Variants in ADCY10 observed in about 807,000 individuals in gnomAD.
ADCY10 encodes the protein adenylate cyclase type 10.
ADCY10 carries 156 observed loss-of-function variants against 183.3 expected under a neutral mutation model. That is an observed-to-expected ratio of 0.85 (90% CI 0.75 to 0.97). The LOEUF (loss-of-function observed/expected upper bound fraction) is 0.97, where lower values mean the gene tolerates loss of function less well. ADCY10 is among the 50% of genes least tolerant of loss of function. ADCY10 has a pLI of 0.00. For missense variants in ADCY10, 1,745 were observed against 1,934.3 expected (o/e 0.90, Z 1.84); for synonymous variants, 645 against 670.0 (o/e 0.96, Z 0.58).
rs931515722 is a variant in ADCY10 at position 167,875,241 on chromosome 1, A to G, written c.1407-55T>C. The G allele has an allele frequency of 7.8e-6, 12 of 1,544,702 alleles. No individual in the cohort carries two copies. In the African/African-American group the frequency reaches 1.5e-4, roughly 19 times the overall value. Reference sequence around the variant, plus strand: ...AGATTCAAAACAGGGACATATTGAGAGCAAGAGTGATTAGTTCTTAGTTCC... The same window carrying G: ...AGATTCAAAACAGGGACATATTGAGGGCAAGAGTGATTAGTTCTTAGTTCC... On this transcript the variant is annotated intron_variant, in intron 12 of 32. Coordinates refer to ENST00000367851, the MANE Select transcript of ADCY10 (RefSeq NM_018417.6).
At chr1:167,817,608 T>G (rs944828533) in intron 31 of ADCY10, among the ~76,000 whole-genome samples, 1 of 152,226 alleles carries the variant, frequency 6.6e-6, no homozygotes, top group Non-Finnish European at 1.5e-5. Flanking sequence ...ATATTTGAAT[T>G]TTTTAAATTG....
Position 167,861,053 on chromosome 1 carries a change from T to C in ADCY10, c.1627A>G (p.Ile543Val), listed in dbSNP as rs1285189585. Residue 543 changes from isoleucine to valine, a missense_variant, in exon 15 of 33, where the codon ATT becomes GTT. Transcript: ENST00000367851. ...AQGKNHRIIA[I>V]SLNKISFHQT... ...TGGAAGCTGATCTTATTCAATGAAA[T>C]GGCAATAATCCTGTTTGTGAGAAAA... 3 of 1,613,872 alleles carry C rather than the reference T, an allele frequency of 1.9e-6. No homozygotes were observed. Among genetic ancestry groups the C allele is most frequent in the Non-Finnish European group, 2.5e-6 (3 of 1,179,874 alleles).
chr1:167,810,132 C>T (rs796163000), intron 32 of ADCY10, among the ~76,000 whole-genome samples: 2 of 152,006 alleles, frequency 1.3e-5, no homozygotes, highest in Middle Eastern at 3.2e-3. Flanking sequence ...AGGAAAGACA[C>T]GCAGACAGAT....
intron 7 of ADCY10, among the ~76,000 whole-genome samples, chr1:167,896,088 G>T (rs1395659832): frequency 6.6e-6 from 1 of 152,134 alleles, no homozygotes; most frequent in Non-Finnish European, 1.5e-5. Context: ...AATGGTCCTT[G>T]GTGGCCTTGA....
intron 2 of ADCY10, chr1:167,904,577 T>C (rs886349992): frequency 2.4e-6 from 1 of 411,496 alleles, no homozygotes; most frequent in African/African-American, 2.0e-5. Flanking sequence ...TTTCATTCCG[T>C]GGTAACAAAA....
chr1:167,847,068 G>A (rs1215745933), intron 19 of ADCY10, among the ~76,000 whole-genome samples: 2 of 151,308 alleles, frequency 1.3e-5, no homozygotes, highest in Non-Finnish European at 3.0e-5. Flanking sequence ...TGGGATTATA[G>A]GCACCCACCA....
At chr1:167,869,877 G>C (rs1666975939) in intron 14 of ADCY10, among the ~76,000 whole-genome samples, 1 of 151,950 alleles carries the variant, frequency 6.6e-6, no homozygotes, top group Non-Finnish European at 1.5e-5. Flanking sequence ...TGTCTGAGGG[G>C]TTTTGTCTGC....
chr1:167,883,902 C>T (rs1418255660), intron 8 of ADCY10, among the ~76,000 whole-genome samples: 2 of 152,114 alleles, frequency 1.3e-5, no homozygotes, highest in Non-Finnish European at 2.9e-5. Flanking sequence ...TGAGCCATTG[C>T]AATAAGGGAA....
intron 21 of ADCY10, among the ~76,000 whole-genome samples, chr1:167,838,399 A>G (rs1311211139): frequency 6.6e-6 from 1 of 152,186 alleles, no homozygotes; most frequent in East Asian, 1.9e-4. Context: ...TGTGGCCACC[A>G]TGTTGCCACA....
At chr1:167,905,740 G>A (rs1383689015) in intron 1 of ADCY10, among the ~76,000 whole-genome samples, 3 of 149,122 alleles carry the variant, frequency 2.0e-5, no homozygotes, top group South Asian at 2.1e-4. Flanking sequence ...GTTCAGAAAT[G>A]TGTGTGTGTG....
intron 14 of ADCY10, 78 bp from the exon 15 acceptor site, chr1:167,861,141 C>T (rs886568456): frequency 2.5e-6 from 3 of 1,207,838 alleles, no homozygotes; most frequent in African/African-American, 1.5e-5. Context: ...TGAAGGAAAG[C>T]TCTGTCTTCT....
intron 31 of ADCY10, among the ~76,000 whole-genome samples, chr1:167,817,751 T>A (rs538796076): frequency 6.6e-6 from 1 of 152,354 alleles, no homozygotes; most frequent in East Asian, 1.9e-4. Flanking sequence ...TGCTTCCTTT[T>A]AAATCGTGAT....
Position 167,833,986 on chromosome 1 carries a change from TA to T in ADCY10, c.3400del (p.Tyr1134ThrfsTer14), listed in dbSNP as rs1663993328. The T allele has an allele frequency of 6.2e-7, 1 of 1,614,038 alleles. No individual in the cohort carries two copies. Among genetic ancestry groups the T allele is most frequent in the African/African-American group, 1.3e-5 (1 of 75,056 alleles). ...GTTTCTTACCTCACCTTTGAGGCTGTAAAAGGTGGCAGACTCAAATGTCTGG... is the reference window on the plus strand; with the variant it reads ...GTTTCTTACCTCACCTTTGAGGCTGTAAAGGTGGCAGACTCAAATGTCTGG... ...WSQTFESATF[Y>X]SLKGEVCFNM... On this transcript the variant is annotated frameshift_variant, in exon 24 of 33. Coordinates refer to ENST00000367851, the MANE Select transcript of ADCY10 (RefSeq NM_018417.6). LOFTEE classifies it high-confidence loss of function.
rs146952021 is a variant in ADCY10, at chr1:167,809,696, G to T, written c.4815C>A (p.Thr1605=). 74 of 1,613,914 alleles carry T rather than the reference G, an allele frequency of 4.6e-5. No individual in the cohort carries two copies. The South Asian group carries it at 7.7e-4, about 17-fold the overall frequency. Residue 1605 remains threonine (T), a synonymous_variant, in exon 33 of 33, where the codon ACC becomes ACA. Transcript: ENST00000367851. ...TGACATGTTAGAAATGATTGTCCAC[G>T]GTATTAGCTCTCATCAGGAATTTGT... ...QKNKFLMRAN[T]VDNHF is the part of the protein sequence containing the mutation.
chr1:167,864,366 G>T (rs1666518132), intron 14 of ADCY10, among the ~76,000 whole-genome samples: 1 of 152,198 alleles, frequency 6.6e-6, no homozygotes, highest in African/African-American at 2.4e-5. Flanking sequence ...AGAACTTTGT[G>T]TAAAATAGAC....
At chr1:167,819,791 C>T (rs1204458414) in intron 30 of ADCY10, 1 of 516,456 alleles carries the variant, frequency 1.9e-6, no homozygotes, top group African/African-American at 2.0e-5. Context: ...TCTTGAACTC[C>T]CGACCTCAGG....
rs965828473 is a variant in ADCY10, at chr1:167,891,517, G to A, written c.828+2336C>T. The stretch of plus-strand genomic sequence containing the variant: ...TAAAAATACAAAAACGTAGCCGGGC[G>A]TGGTGGCGGGCGCCTGTAGTCCCAG... On this transcript the variant is annotated intron_variant, in intron 8 of 32. Coordinates refer to ENST00000367851, the MANE Select transcript of ADCY10 (RefSeq NM_018417.6). Among the ~76,000 whole-genome samples the A allele has an allele frequency of 1.3e-4, 19 of 151,856 alleles. No individual in the cohort carries two copies. In the East Asian group the frequency reaches 2.0e-3, roughly 16 times the overall value.
In ADCY10 at chr1:167,881,378, A is replaced by G. The variant is rs181799495; in HGVS notation, c.1021-769T>C. 2.0e-5 allele frequency among the ~76,000 whole-genome samples: 3 copies of G among 152,344 alleles called. No homozygotes were observed. The East Asian group carries it at 5.8e-4, about 29-fold the overall frequency. On this transcript the variant is annotated intron_variant, in intron 9 of 32. Coordinates refer to ENST00000367851, the MANE Select transcript of ADCY10 (RefSeq NM_018417.6). ...AGTTTTTGACATGTTACATCCTGAT[A>G]AAATGCAAAGAACACTAAAATACCT...
At chr1:167,887,730 TA>T (rs527899210) in intron 8 of ADCY10, among the ~76,000 whole-genome samples, 134 of 151,038 alleles carry the variant, frequency 8.9e-4, no homozygotes, top group African/African-American at 2.7e-3. Flanking sequence ...AATAAAAGAT[TA>T]AAAAAACTCA....
Sources: allele counts gnomAD v4.1 joint callset (sites outside exome capture counted in the v4.1 genomes callset), GRCh38; gene constraint gnomAD v4.1.1; transcripts MANE v1.5; gene names NCBI Gene and HGNC (gene_info 2026-07-23, HGNC 2026-07-21).